Variants in LZTFL1 observed in about 807,000 individuals in gnomAD.
LZTFL1 encodes the protein leucine zipper transcription factor-like protein 1.
LZTFL1 carries 25 observed loss-of-function variants against 45.9 expected under a neutral mutation model. That is an observed-to-expected ratio of 0.54 (90% CI 0.40 to 0.76). The LOEUF (loss-of-function observed/expected upper bound fraction) is 0.76, where lower values mean the gene tolerates loss of function less well. Among genes scored for constraint, LZTFL1 ranks in the 30% least tolerant of loss-of-function variants. The pLI, the probability that LZTFL1 is intolerant of heterozygous loss-of-function variation, is 0.00. For synonymous variants in LZTFL1, 93 were observed against 117.4 expected (o/e 0.79, Z 1.35); for missense variants, 277 against 331.1 (o/e 0.84, Z 1.27).
chr3:45,838,280 C>T (rs1048896166), intron 1 of LZTFL1, among the ~76,000 whole-genome samples: 1 of 152,160 alleles, frequency 6.6e-6, no homozygotes, highest in Non-Finnish European at 1.5e-5. Context: ...GGTCTACTTC[C>T]AAAGACCTGG....
At chr3:45,913,429 A>G (rs948272795) in intron 1 of LZTFL1, among the ~76,000 whole-genome samples, 4 of 152,218 alleles carry the variant, frequency 2.6e-5, no homozygotes, top group African/African-American at 9.6e-5. Context: ...TTGAAACACA[A>G]TTCTCCAAAT....
chr3:45,878,256 G>A (rs1478725637), intron 2 of LZTFL1, among the ~76,000 whole-genome samples: 2 of 152,266 alleles, frequency 1.3e-5, no homozygotes, highest in South Asian at 2.1e-4. Context: ...GCACCAGCCC[G>A]AGGCCTGAAG....
At chr3:45,853,781 AT>A (rs1331599675) in intron 4 of LZTFL1, among the ~76,000 whole-genome samples, 2 of 152,242 alleles carry the variant, frequency 1.3e-5, no homozygotes, top group Non-Finnish European at 2.9e-5. Flanking sequence ...ATGACAAACC[AT>A]AAACAATGAT....
At chr3:45,862,001 T>C (rs1219134263) in intron 2 of LZTFL1, among the ~76,000 whole-genome samples, 2 of 152,222 alleles carry the variant, frequency 1.3e-5, no homozygotes, top group Non-Finnish European at 2.9e-5. Flanking sequence ...GTCATTCTTA[T>C]GGAGCTCATT....
rs572309132 is a variant in LZTFL1, at chr3:45,899,932, C to T, written c.-215+13188G>A. Among the ~76,000 whole-genome samples, 13 of 152,114 alleles carry T rather than the reference C, an allele frequency of 8.5e-5. No homozygotes were observed. The South Asian group carries it at 1.0e-3, about 12-fold the overall frequency. On this transcript the variant is annotated intron_variant, in intron 2 of 4. Transcript: ENST00000472635. ...AGTGTAAGAAGTGTGTGTGTGTATG[C>T]GCATATATGTGTGTATATATGTGTG...
intron 2 of LZTFL1, among the ~76,000 whole-genome samples, chr3:45,881,488 G>A (rs1043552455): frequency 6.6e-6 from 1 of 151,928 alleles, no homozygotes; most frequent in African/African-American, 2.4e-5. Context: ...TGCAGGGTGC[G>A]GGCCCCCTCC....
chr3:45,859,639 C>CTTT (rs539062553), intron 2 of LZTFL1, among the ~76,000 whole-genome samples: 1 of 129,904 alleles, frequency 7.7e-6, no homozygotes, highest in African/African-American at 2.9e-5. Context: ...CATTACATGG[C>CTTT]TTTTTTTTTT....
chr3:45,853,171 A>G (rs1170525730), intron 4 of LZTFL1, among the ~76,000 whole-genome samples: 1 of 152,214 alleles, frequency 6.6e-6, no homozygotes, highest in Admixed American at 6.5e-5. Context: ...TTGAGCAGGC[A>G]TGCTTGGTTT....
chr3:45,872,106 C>T (rs75335479), intron 2 of LZTFL1, among the ~76,000 whole-genome samples: 3,426 of 152,126 alleles, frequency 0.023, 138 homozygotes, highest in African/African-American at 0.076. Flanking sequence ...CAGAATTTAT[C>T]GCCACAGTGC....
chr3:45,850,809 G>A (rs908484183), intron 4 of LZTFL1, among the ~76,000 whole-genome samples: 3 of 152,184 alleles, frequency 2.0e-5, no homozygotes, highest in Admixed American at 6.5e-5. Context: ...GAAGCCAGCC[G>A]CTCAACCAGC....
At chr3:45,841,908 C>T (rs2125694839) in intron 1 of LZTFL1, 81 bp downstream of exon 1, 5 of 1,545,544 alleles carry the variant, frequency 3.2e-6, no homozygotes, top group African/African-American at 1.4e-5. Context: ...GTAATCATTC[C>T]GGGCCCACCC....
chr3:45,888,187 A>T (rs1035543784), intron 2 of LZTFL1, among the ~76,000 whole-genome samples: 1 of 152,174 alleles, frequency 6.6e-6, no homozygotes, highest in Admixed American at 6.5e-5. Flanking sequence ...TTTATCTCCC[A>T]GGTCCCTGCA....
intron 2 of LZTFL1, among the ~76,000 whole-genome samples, chr3:45,865,253 A>G (rs1179034531): frequency 1.3e-5 from 2 of 152,240 alleles, no homozygotes; most frequent in East Asian, 3.8e-4. Context: ...TTTCAGAGGA[A>G]GGGTAAACAG....
intron 4 of LZTFL1, among the ~76,000 whole-genome samples, chr3:45,850,059 C>T (rs982992784): frequency 3.3e-5 from 5 of 152,140 alleles, no homozygotes; most frequent in African/African-American, 1.2e-4. Flanking sequence ...TCCATGTGCC[C>T]ATTGTATTTG....
In LZTFL1 at chr3:45,887,358, G is replaced by GT. The variant is rs369652664; in HGVS notation, c.-215+25761dup. ...TAAACTAGGAAAGGGTGCTTCAGGA[G>GT]TTTTTATTTTCTATATTATGTATGT... is the stretch of plus-strand genomic sequence containing the variant. On this transcript the variant is annotated intron_variant, in intron 2 of 4. Transcript: ENST00000472635. 1.2e-3 allele frequency among the ~76,000 whole-genome samples: 179 copies of GT among 152,136 alleles called. No homozygotes were observed. The Middle Eastern group carries it at 0.024, about 20-fold the overall frequency.
intron 2 of LZTFL1, among the ~76,000 whole-genome samples, chr3:45,864,733 G>A (rs1701551334): frequency 6.6e-6 from 1 of 152,114 alleles, no homozygotes; most frequent in South Asian, 2.1e-4. Flanking sequence ...ACACACATGA[G>A]GAGACAGTAA....
chr3:45,867,552 A>G (rs1468973220), intron 2 of LZTFL1, among the ~76,000 whole-genome samples: 3 of 151,908 alleles, frequency 2.0e-5, no homozygotes, highest in Non-Finnish European at 4.4e-5. Flanking sequence ...TCTTTAGAAA[A>G]CTCATCTTAG....
chr3:45,866,024 G>A (rs1415085837), intron 2 of LZTFL1, among the ~76,000 whole-genome samples: 1 of 152,192 alleles, frequency 6.6e-6, no homozygotes, highest in Non-Finnish European at 1.5e-5. Context: ...AGTGAAAGAA[G>A]CCAGACAAAA....
intron 3 of LZTFL1, among the ~76,000 whole-genome samples, chr3:45,855,456 A>T (rs533290826): frequency 6.6e-6 from 1 of 152,374 alleles, no homozygotes; most frequent in Admixed American, 6.5e-5. Flanking sequence ...AGCCAGTATC[A>T]TACTGAATGG....
Sources: allele counts gnomAD v4.1 joint callset (sites outside exome capture counted in the v4.1 genomes callset), GRCh38; gene constraint gnomAD v4.1.1; transcripts MANE v1.5; gene names NCBI Gene and HGNC (gene_info 2026-07-23, HGNC 2026-07-21).